The following ADGRV1 variants were observed in gnomAD, a reference collection of about 807,000 sequenced individuals.
ADGRV1 encodes G-protein coupled receptor 98.
Under a neutral mutation model 596.2 loss-of-function variants are expected in ADGRV1, and 359 were observed. The observed-to-expected ratio is 0.60, with a 90% CI of 0.55 to 0.66. The LOEUF (loss-of-function observed/expected upper bound fraction) is 0.66. ADGRV1 is among the 30% of genes least tolerant of loss of function. The pLI is 0.00. For synonymous variants in ADGRV1, 2,681 were observed against 2,679.2 expected, an observed-to-expected ratio of 1.00 and a Z score of -0.02; for missense variants, 7,274 against 7,575.6, an observed-to-expected ratio of 0.96 and a Z score of 1.48.
At chr5:90,954,850 A>T (rs145038361) in intron 83 of ADGRV1, among the ~76,000 whole-genome samples, 17 of 152,278 alleles carry the variant, frequency 1.1e-4, no homozygotes, top group African/African-American at 3.6e-4. Flanking sequence ...AATTAATGGC[A>T]CACACTGGTT....
At chr5:90,863,660 A>T (rs1767813863) in intron 82 of ADGRV1, 97 bp from the exon 83 acceptor site, 1 of 859,196 alleles carries the variant, frequency 1.2e-6, no homozygotes, top group East Asian at 2.4e-5. Flanking sequence ...CAGGTGGCAG[A>T]CCTGACATGC....
chr5:91,060,398 A>ATATATTT (rs796332430), intron 85 of ADGRV1, among the ~76,000 whole-genome samples: 5 of 60,528 alleles, frequency 8.3e-5, no homozygotes, highest in African/African-American at 2.3e-4. Flanking sequence ...ATATATATAT[A>ATATATTT]TTTTTTTTTT....
rs750019538 is a variant in ADGRV1 at position 90,720,920 on chromosome 5, A to G, written c.9624-15A>G. ...ATACTTTTTCTGCTTCCCTCAATCC[A>G]TGTATTTCTTTCAGAGCCACCTCCA... On this transcript the variant is annotated splice_polypyrimidine_tract_variant and intron_variant, in intron 44 of 89. Coordinates refer to ENST00000405460, the MANE Select transcript of ADGRV1 (RefSeq NM_032119.4). 3 of 1,598,976 alleles carry G rather than the reference A, an allele frequency of 1.9e-6. No individual in the cohort carries two copies. Among genetic ancestry groups the G allele is most frequent in the Non-Finnish European group, 1.7e-6 (2 of 1,171,834 alleles).
chr5:90,739,057 T>C (rs1192825231), intron 50 of ADGRV1, among the ~76,000 whole-genome samples: 1 of 152,020 alleles, frequency 6.6e-6, no homozygotes, highest in Non-Finnish European at 1.5e-5. Context: ...TAATTTTCTT[T>C]CTTCTGCTTG....
At chr5:90,972,486 A>G (rs1233375435) in intron 84 of ADGRV1, among the ~76,000 whole-genome samples, 3 of 152,194 alleles carry the variant, frequency 2.0e-5, no homozygotes, top group Non-Finnish European at 4.4e-5. Flanking sequence ...AAAGAACAGA[A>G]ATTATAATAA....
At chr5:90,660,254 T>A (rs889878753) in intron 21 of ADGRV1, among the ~76,000 whole-genome samples, 4 of 152,144 alleles carry the variant, frequency 2.6e-5, no homozygotes, top group Non-Finnish European at 4.4e-5. Context: ...TTAAAATGAG[T>A]TATCAATATT....
chr5:90,691,150 C>A, intron 31 of ADGRV1, 109 bp downstream of exon 31: 1 of 1,350,186 alleles, frequency 7.4e-7, no homozygotes, highest in Non-Finnish European at 1.1e-6. Flanking sequence ...ATAAATTATT[C>A]CTGCAAGAAT....
At chr5:90,854,239 C>T in intron 81 of ADGRV1, 38 bp downstream of exon 81, 1 of 1,482,046 alleles carries the variant, frequency 6.7e-7, no homozygotes, top group Non-Finnish European at 9.0e-7. Context: ...GAATTTGGTC[C>T]TTCCCCATTT....
chr5:90,923,946 C>A (rs1561946226), intron 83 of ADGRV1, among the ~76,000 whole-genome samples: 1 of 151,960 alleles, frequency 6.6e-6, no homozygotes, highest in Non-Finnish European at 1.5e-5. Flanking sequence ...CATGTCCCTA[C>A]AAAGGACATG....
chr5:90,704,555 C>G (rs1748347807), intron 36 of ADGRV1, 67 bp downstream of exon 36: 1 of 955,594 alleles, frequency 1.0e-6, no homozygotes, highest in African/African-American at 1.6e-5. Context: ...AAATTGTTAT[C>G]TCTGTATTTA....
chr5:90,842,574 C>T (rs944150870), intron 78 of ADGRV1, among the ~76,000 whole-genome samples: 2 of 151,888 alleles, frequency 1.3e-5, no homozygotes, highest in Admixed American at 6.6e-5. Context: ...AAAAATTAGC[C>T]GGGCATGGTG....
At chr5:90,985,664 C>A in intron 85 of ADGRV1, 142 bp downstream of exon 85, 1 of 582,848 alleles carries the variant, frequency 1.7e-6, no homozygotes, top group Non-Finnish European at 2.9e-6. Flanking sequence ...ACTCTAATTA[C>A]TCTTTTAAAT....
At position 90,692,674 on chromosome 5, in the gene ADGRV1, A is replaced by T. The variant is rs1266033398; in HGVS notation, c.7021A>T (p.Ile2341Phe). Residue 2341 changes from isoleucine (I) to phenylalanine (F), a missense_variant, in exon 32 of 90, where the codon ATT becomes TTT. Physicochemically the swap from Ile to Phe is conservative, Grantham distance 21. This residue lies in a region of ADGRV1 where 3,643 missense variants were observed against 3,809.2 expected (regional missense o/e 0.96). Transcript: ENST00000405460. ...TGGGTTAGATCGAATTGCAAATATT[A>T]TTATTCCTGCCAATGATGATCCTTA... Reference protein sequence around the residue: ...TIGLDRIANIIIPANDDPYGT... With the variant: ...TIGLDRIANIFIPANDDPYGT... The T allele has an allele frequency of 6.2e-7, 1 of 1,611,292 alleles. No individual in the cohort carries two copies. Among genetic ancestry groups the T allele is most frequent in the Non-Finnish European group, 8.5e-7 (1 of 1,178,732 alleles).
chr5:90,728,901 T>A lies in ADGRV1; in HGVS notation c.10394T>A (p.Ile3465Asn). 6.2e-7 allele frequency: 1 copy of A among 1,612,624 alleles called. No homozygotes were observed. The highest frequency in any genetic ancestry group is 8.5e-7 in the Non-Finnish European group (1 of 1,179,300). ...EVEALSSAND[I>N]YLIFAENVFL... The stretch of plus-strand genomic sequence containing the variant: ...GAGGCTTTGTCTTCAGCCAATGATA[T>A]TTACCTAATATTTGCCGAAAATGTC... The change falls in exon 49 of 90, where the codon ATT becomes AAT. Residue 3465 changes from isoleucine (I) to asparagine (N), a missense_variant. Transcript: ENST00000405460.
intron 16 of ADGRV1, among the ~76,000 whole-genome samples, chr5:90,647,019 G>A (rs965392079): frequency 2.0e-5 from 3 of 152,004 alleles, no homozygotes; most frequent in Admixed American, 6.6e-5. Flanking sequence ...TGATCTGCCC[G>A]CCTTGGCCTC....
intron 83 of ADGRV1, among the ~76,000 whole-genome samples, chr5:90,945,227 A>G (rs1248357723): frequency 2.0e-5 from 3 of 151,702 alleles, no homozygotes; most frequent in African/African-American, 4.9e-5. Context: ...ATTTCTTCCT[A>G]TTCCAAAAAC....
intron 85 of ADGRV1, among the ~76,000 whole-genome samples, chr5:91,034,857 C>T (rs550048791): frequency 1.1e-4 from 16 of 152,290 alleles, no homozygotes; most frequent in South Asian, 2.1e-4. Context: ...ATGATCATAG[C>T]GCACTGCAGC....
chr5:90,823,565 G>T lies in ADGRV1; in HGVS notation c.16337G>T (p.Cys5446Phe), dbSNP rs1385789921. The T allele has an allele frequency of 6.2e-7, 1 of 1,613,898 alleles. No homozygotes were observed. The highest frequency in any genetic ancestry group is 1.3e-5 in the African/African-American group (1 of 75,040). The change falls in exon 76 of 90, where the codon TGC (cysteine) becomes TTC (phenylalanine). Residue 5446 changes from cysteine (C) to phenylalanine (F), a missense_variant. By Grantham distance (205) the Cys-to-Phe change is radical. Around this residue, in one of 5 missense-constraint regions of ADGRV1, gnomAD observed 1,874 missense variants for 1,970.2 expected, o/e 0.95. Coordinates refer to ENST00000405460, the MANE Select transcript of ADGRV1 (RefSeq NM_032119.4). ...TTTCTMGQTK[C>F]FISIELKPEK... ...ACCTGTACAATGGGTCAAACAAAAT[G>T]CTTTATCAGCATTGAACTCAAACCA... is the stretch of plus-strand genomic sequence containing the variant.
intron 85 of ADGRV1, among the ~76,000 whole-genome samples, chr5:91,062,927 A>T (rs1239537035): frequency 6.1e-5 from 9 of 146,416 alleles, no homozygotes; most frequent in Non-Finnish European, 7.5e-5. Context: ...ATGTCTAAAG[A>T]GTGTGCTAGA....
Sources: allele counts gnomAD v4.1 joint callset (sites outside exome capture counted in the v4.1 genomes callset), GRCh38; gene constraint gnomAD v4.1.1; regional missense constraint gnomAD v4.1.1; transcripts MANE v1.5; gene names NCBI Gene and HGNC (gene_info 2026-07-23, HGNC 2026-07-21).